EFCAB11: variants seen among roughly 807,000 people sequenced by gnomAD.
EFCAB11 encodes the protein EF-hand calcium-binding domain-containing protein 11.
In EFCAB11, 14 loss-of-function variants were observed where a neutral mutation model predicts 23.0. The ratio of observed to expected loss-of-function variants is 0.61; its 90% CI spans 0.40 to 0.95. The LOEUF is 0.95. Among genes scored for constraint, EFCAB11 ranks in the 40% least tolerant of loss-of-function variants. EFCAB11 has a pLI of 0.00. For missense variants in EFCAB11, 198 were observed against 195.8 expected (o/e 1.01, Z -0.07); for synonymous variants, 65 against 66.6 (o/e 0.98, Z 0.11).
intron 5 of EFCAB11, among the ~76,000 whole-genome samples, chr14:89,893,786 A>AAAAC (rs1424918247): frequency 1.3e-5 from 2 of 151,278 alleles, no homozygotes; most frequent in East Asian, 3.9e-4. Flanking sequence ...CCAAAAAAAA[A>AAAAC]AAACAAACAA....
intron 5 of EFCAB11, among the ~76,000 whole-genome samples, chr14:89,824,101 T>C (rs577211163): frequency 8.9e-4 from 135 of 152,168 alleles, no homozygotes; most frequent in African/African-American, 3.1e-3. Flanking sequence ...CTAAGTAAGA[T>C]AATGAAGAAC....
chr14:89,830,470 T>G (rs1052277375), intron 5 of EFCAB11: 1 of 152,248 alleles, frequency 6.6e-6, no homozygotes, highest in African/African-American at 2.4e-5. Flanking sequence ...AATTTCATTT[T>G]TCTAGTAATT....
chr14:89,922,636 T>C (rs111232232), intron 5 of EFCAB11, among the ~76,000 whole-genome samples: 4,474 of 152,220 alleles, frequency 0.029, 98 homozygotes, highest in African/African-American at 0.062. Flanking sequence ...TGGTTTTTTT[T>C]CCAATGAAAT....
chr14:89,805,804 A>G (rs1885950295), intron 5 of EFCAB11, among the ~76,000 whole-genome samples: 1 of 152,120 alleles, frequency 6.6e-6, no homozygotes. Flanking sequence ...CCTGACATAC[A>G]AAGGATTCTG....
rs546008499 is a variant in EFCAB11, at chr14:89,952,046, T to C, written c.171+1860A>G. Among the ~76,000 whole-genome samples the C allele has an allele frequency of 2.6e-5, 4 of 152,328 alleles. No individual in the cohort carries two copies. The East Asian group carries it at 5.8e-4, about 22-fold the overall frequency. On this transcript the variant is annotated intron_variant, in intron 2 of 5. Coordinates refer to ENST00000316738, the MANE Select transcript of EFCAB11 (RefSeq NM_145231.4). Reference sequence around the variant, plus strand: ...ATATTTCATTTGCTCAAAAGCAATATTAAAAAATTAAACCCCAAACCTCAA... The same window carrying C: ...ATATTTCATTTGCTCAAAAGCAATACTAAAAAATTAAACCCCAAACCTCAA...
chr14:89,858,656 ATTTTTTTTTTTTTT>A (rs10648464), intron 5 of EFCAB11, among the ~76,000 whole-genome samples: 1 of 88,990 alleles, frequency 1.1e-5, no homozygotes, highest in African/African-American at 4.4e-5. Flanking sequence ...CACCCAGCTA[ATTTTTTTTTTTTTT>A]TTTTTTTTTT....
intron 5 of EFCAB11, among the ~76,000 whole-genome samples, chr14:89,868,369 C>G (rs1363717599): frequency 6.6e-6 from 1 of 152,178 alleles, no homozygotes; most frequent in Non-Finnish European, 1.5e-5. Flanking sequence ...ACGTACAGGA[C>G]TATGTGGTCC....
At chr14:89,914,214 C>G (rs1296807982) in intron 5 of EFCAB11, among the ~76,000 whole-genome samples, 1 of 152,174 alleles carries the variant, frequency 6.6e-6, no homozygotes, top group African/African-American at 2.4e-5. Flanking sequence ...AACTTTACAA[C>G]CTGGAAACAT....
At chr14:89,899,461 C>A (rs1385864333) in intron 5 of EFCAB11, among the ~76,000 whole-genome samples, 1 of 151,994 alleles carries the variant, frequency 6.6e-6, no homozygotes, top group East Asian at 1.9e-4. Flanking sequence ...AGGCTTTTTT[C>A]TTTTTTTCAC....
chr14:89,930,037 T>C (rs1890336741), intron 5 of EFCAB11, among the ~76,000 whole-genome samples: 1 of 152,228 alleles, frequency 6.6e-6, no homozygotes, highest in South Asian at 2.1e-4. Context: ...TAGAAGTATA[T>C]TGATATTCAC....
At chr14:89,903,896 G>C (rs1018068759) in intron 5 of EFCAB11, among the ~76,000 whole-genome samples, 1 of 152,120 alleles carries the variant, frequency 6.6e-6, no homozygotes, top group Non-Finnish European at 1.5e-5. Flanking sequence ...CATGGCATCA[G>C]ATGGATTCCT....
At chr14:89,946,612 G>A (rs1006126057) in intron 3 of EFCAB11, among the ~76,000 whole-genome samples, 6 of 151,886 alleles carry the variant, frequency 4.0e-5, no homozygotes, top group South Asian at 2.1e-4. Flanking sequence ...TCACTCTGTC[G>A]CCCAGGCTGG....
In EFCAB11 at chr14:89,896,597, AG is replaced by A. The variant is rs368161038; in HGVS notation, c.410+34943del. Among the ~76,000 whole-genome samples the A allele has an allele frequency of 2.9e-3, 439 of 152,370 alleles. 2 individuals are homozygous for A. The highest frequency in any genetic ancestry group is 9.8e-3 in the African/African-American group (406 of 41,594). ...CAGAGAAGCATTGCACATGGGCACT[AG>A]GAATTATGACACAAAAGTGTTCATA... is the stretch of plus-strand genomic sequence containing the variant. On this transcript the variant is annotated intron_variant, in intron 5 of 5. Transcript: ENST00000316738.
At chr14:89,874,687 G>A (rs915942574) in intron 5 of EFCAB11, among the ~76,000 whole-genome samples, 1 of 152,122 alleles carries the variant, frequency 6.6e-6, no homozygotes, top group African/African-American at 2.4e-5. Context: ...CAAGAGGTCA[G>A]GAGATCGAGA....
intron 5 of EFCAB11, among the ~76,000 whole-genome samples, chr14:89,915,165 G>A (rs1032790437): frequency 6.6e-6 from 1 of 152,158 alleles, no homozygotes; most frequent in Admixed American, 6.5e-5. Context: ...CTCCAGGCAA[G>A]CACACTAAAG....
chr14:89,943,076 G>A (rs1341841388), intron 3 of EFCAB11, among the ~76,000 whole-genome samples: 2 of 152,042 alleles, frequency 1.3e-5, no homozygotes, highest in Non-Finnish European at 1.5e-5. Context: ...GCAGCAACTG[G>A]GCCCTGCAAA....
At chr14:89,938,010 C>G (rs1194552054) in intron 3 of EFCAB11, 3 of 151,972 alleles carry the variant, frequency 2.0e-5, no homozygotes, top group East Asian at 1.9e-4. Context: ...TCTAACAAAA[C>G]TATATAAATT....
intron 3 of EFCAB11, among the ~76,000 whole-genome samples, 191 bp downstream of exon 3, chr14:89,949,906 T>A (rs963712588): frequency 2.0e-4 from 30 of 151,788 alleles, no homozygotes; most frequent in African/African-American, 5.3e-4. Flanking sequence ...TATAAAGCCA[T>A]CAGATCTCAT....
intron 5 of EFCAB11, among the ~76,000 whole-genome samples, chr14:89,886,541 AAAAGG>A (rs1888787070): frequency 4.2e-5 from 4 of 95,724 alleles, no homozygotes; most frequent in African/African-American, 1.9e-4. Flanking sequence ...AAAAAAAAAA[AAAAGG>A]AAAGTGATCT....
Sources: allele counts gnomAD v4.1 joint callset (sites outside exome capture counted in the v4.1 genomes callset), GRCh38; gene constraint gnomAD v4.1.1; transcripts MANE v1.5; gene names NCBI Gene and HGNC (gene_info 2026-07-23, HGNC 2026-07-21).